SP140L: variants seen among roughly 807,000 people sequenced by gnomAD.
The protein encoded by SP140L is nuclear body protein SP140-like protein.
SP140L carries 64 observed loss-of-function variants against 84.3 expected under a neutral mutation model. That is an observed-to-expected ratio of 0.76 (90% CI 0.62 to 0.94). The LOEUF (loss-of-function observed/expected upper bound fraction) is 0.94, where lower values mean the gene tolerates loss of function less well. Among genes scored for constraint, SP140L ranks in the 40% least tolerant of loss-of-function variants. The probability of loss-of-function intolerance (pLI) is 0.00; values close to 1 mark genes in which losing one functional copy is unlikely to be tolerated. For synonymous variants in SP140L, 242 were observed against 236.9 expected (o/e 1.02, Z -0.20); for missense variants, 628 against 692.5 (o/e 0.91, Z 1.05).
chr2:230,349,452 G>T (rs2060301650), intron 2 of SP140L, among the ~76,000 whole-genome samples: 1 of 152,136 alleles, frequency 6.6e-6, no homozygotes, highest in Non-Finnish European at 1.5e-5. Flanking sequence ...GGTCAATTTG[G>T]AGAGAATTGC....
rs1247609044 is a variant in SP140L at position 230,403,007 on chromosome 2, C to T, written c.*111C>T. The T allele has an allele frequency of 2.5e-6, 2 of 796,128 alleles. No individual in the cohort carries two copies. The highest frequency in any genetic ancestry group is 1.8e-5 in the African/African-American group (1 of 56,390). 49.3% of individuals were successfully genotyped at this position (796,128 alleles called of 1,614,324 possible). Reference sequence around the variant, plus strand: ...ATGCAGGGAGAGGCTTTTCTCTGAGCCTCCCTCATCTGCCCAAAAACAAAT... The same window carrying T: ...ATGCAGGGAGAGGCTTTTCTCTGAGTCTCCCTCATCTGCCCAAAAACAAAT... On this transcript the variant is annotated 3_prime_UTR_variant, in exon 19 of 19. Coordinates refer to ENST00000415673, the MANE Select transcript of SP140L (RefSeq NM_138402.6).
At chr2:230,378,765 ATTTG>A (rs1472045067) in intron 7 of SP140L, among the ~76,000 whole-genome samples, 3 of 152,186 alleles carry the variant, frequency 2.0e-5, no homozygotes, top group African/African-American at 7.2e-5. Context: ...CATTTGAGCT[ATTTG>A]TTAGGCTCTG....
chr2:230,330,437 G>A (rs560570467), intron 2 of SP140L, among the ~76,000 whole-genome samples: 1 of 152,208 alleles, frequency 6.6e-6, no homozygotes, highest in African/African-American at 2.4e-5. Context: ...CATCTGACGA[G>A]GCAAAATCTC....
chr2:230,385,443 C>G, intron 9 of SP140L, 139 bp downstream of exon 9: 1 of 700,860 alleles, frequency 1.4e-6, no homozygotes, highest in South Asian at 2.0e-5. Flanking sequence ...AAACAGCAAA[C>G]CCATTAGAAG....
rs1456031529 is a variant in SP140L, at chr2:230,354,848, G to GAAA, written c.108-2957_108-2956insAAA. ...AAGAAAGAGACAAGAAAGAAAGAAA[G>GAAA]GAAAGAAAGAAAGAAAGAAAGAAAG... is the stretch of plus-strand genomic sequence containing the variant. On this transcript the variant is annotated intron_variant, in intron 2 of 18. Transcript: ENST00000415673. Among the ~76,000 whole-genome samples the GAAA allele has an allele frequency of 9.0e-4, 98 of 108,884 alleles. 1 individual carries two copies. Among genetic ancestry groups the GAAA allele is most frequent in the Non-Finnish European group, 1.1e-3 (63 of 55,882 alleles). The allele number at this position is 108,884 out of a possible 152,430, so 71.4% of individuals were successfully genotyped here.
intron 2 of SP140L, 82 bp from the exon 3 acceptor site, chr2:230,357,723 C>A: frequency 7.2e-7 from 1 of 1,387,266 alleles, no homozygotes; most frequent in African/African-American, 1.5e-5. Context: ...CATAGCTTAT[C>A]CGTTATACAT....
chr2:230,361,842 T>C (rs984088596), intron 5 of SP140L, 145 bp downstream of exon 5: 36 of 637,064 alleles, frequency 5.7e-5, no homozygotes, highest in Admixed American at 8.6e-5. Context: ...GGGGGTTGTA[T>C]GAGCTCCTAA....
intron 9 of SP140L, among the ~76,000 whole-genome samples, chr2:230,388,356 A>G (rs1304201188): frequency 2.6e-5 from 4 of 152,184 alleles, no homozygotes; most frequent in African/African-American, 9.7e-5. Flanking sequence ...TTTCTAATGT[A>G]AGAATAGGAA....
intron 2 of SP140L, among the ~76,000 whole-genome samples, chr2:230,356,340 A>T (rs2060546902): frequency 2.0e-5 from 3 of 152,140 alleles, no homozygotes; most frequent in Admixed American, 1.3e-4. Flanking sequence ...AACTGAATCC[A>T]CTCCAATGTC....
At chr2:230,341,661 T>C (rs1326294744) in intron 2 of SP140L, among the ~76,000 whole-genome samples, 2 of 150,218 alleles carry the variant, frequency 1.3e-5, no homozygotes, top group Non-Finnish European at 3.0e-5. Context: ...GATGTACAGA[T>C]GGGTTTTTGG....
At chr2:230,361,048 C>G (rs2060698804) in intron 4 of SP140L, among the ~76,000 whole-genome samples, 2 of 152,276 alleles carry the variant, frequency 1.3e-5, no homozygotes, top group South Asian at 4.1e-4. Flanking sequence ...TTCCTGGACT[C>G]AAGCAGTTCT....
At chr2:230,353,270 T>A (rs1410220417) in intron 2 of SP140L, among the ~76,000 whole-genome samples, 1 of 152,114 alleles carries the variant, frequency 6.6e-6, no homozygotes, top group African/African-American at 2.4e-5. Flanking sequence ...GAAATTTATT[T>A]TCCTTATGCA....
chr2:230,395,370 G>A (rs1337776031), intron 13 of SP140L, among the ~76,000 whole-genome samples: 1 of 151,902 alleles, frequency 6.6e-6, no homozygotes, highest in Admixed American at 6.6e-5. Flanking sequence ...TTGAGCTCAG[G>A]AATTTGAGAC....
At chr2:230,332,934 T>C (rs1435127045) in intron 2 of SP140L, among the ~76,000 whole-genome samples, 1 of 152,228 alleles carries the variant, frequency 6.6e-6, no homozygotes, top group Admixed American at 6.5e-5. Context: ...ATGTATCTTC[T>C]TTCTTGCTTT....
intron 14 of SP140L, among the ~76,000 whole-genome samples, chr2:230,399,100 T>C (rs1299735384): frequency 6.6e-6 from 1 of 152,224 alleles, no homozygotes; most frequent in Non-Finnish European, 1.5e-5. Context: ...ACTTTTCCCT[T>C]GAACGGCAAA....
At chr2:230,375,524 G>T (rs2061216496) in intron 7 of SP140L, among the ~76,000 whole-genome samples, 1 of 152,044 alleles carries the variant, frequency 6.6e-6, no homozygotes, top group Admixed American at 6.5e-5. Context: ...AGCATACAGG[G>T]GTTCCTTTTC....
rs556693252 is a variant in SP140L at position 230,374,178 on chromosome 2, T to C, written c.637+2527T>C. 2.0e-5 allele frequency among the ~76,000 whole-genome samples: 3 copies of C among 152,104 alleles called. No individual in the cohort carries two copies. The East Asian group carries it at 5.8e-4, about 29-fold the overall frequency. ...TAAAAATACAAAAATTAGCTGGGCG[T>C]GGTGGCTTGTGCTTGTAGTCCCAGT... On this transcript the variant is annotated intron_variant, in intron 7 of 18. Coordinates refer to ENST00000415673, the MANE Select transcript of SP140L (RefSeq NM_138402.6).
intron 11 of SP140L, 80 bp from the exon 12 acceptor site, chr2:230,392,007 T>A: frequency 1.3e-6 from 2 of 1,584,762 alleles, no homozygotes; most frequent in Admixed American, 3.4e-5. Context: ...TGGGTGGCTC[T>A]AGATCCAATG....
chr2:230,389,302 C>T (rs1382531428), intron 10 of SP140L, among the ~76,000 whole-genome samples: 1 of 152,232 alleles, frequency 6.6e-6, no homozygotes, highest in Admixed American at 6.5e-5. Flanking sequence ...AACTTTCACA[C>T]CTACTTCTGT....
Sources: allele counts gnomAD v4.1 joint callset (sites outside exome capture counted in the v4.1 genomes callset), GRCh38; gene constraint gnomAD v4.1.1; transcripts MANE v1.5; gene names NCBI Gene and HGNC (gene_info 2026-07-23, HGNC 2026-07-21).